Variants in HS3ST5 observed in about 807,000 individuals in gnomAD.
The protein encoded by HS3ST5 is heparan sulfate glucosamine 3-O-sulfotransferase 5.
HS3ST5 carries 10 observed loss-of-function variants against 25.4 expected under a neutral mutation model. The observed-to-expected ratio is 0.39, with a 90% confidence interval of 0.24 to 0.67. HS3ST5 has a LOEUF of 0.67. Among genes scored for constraint, HS3ST5 ranks in the 30% least tolerant of loss-of-function variants. The pLI is 0.44. For missense variants in HS3ST5, 324 were observed against 420.7 expected (o/e 0.77, Z 2.01); for synonymous variants, 170 against 162.4 (o/e 1.05, Z -0.36).
intron 3 of HS3ST5, among the ~76,000 whole-genome samples, chr6:114,064,786 G>A (rs1354504893): frequency 2.0e-5 from 3 of 152,200 alleles, no homozygotes; most frequent in African/African-American, 7.2e-5. Flanking sequence ...GATCTAGTGA[G>A]AAAGAGTAAT....
intron 1 of HS3ST5, among the ~76,000 whole-genome samples, chr6:114,264,972 T>C (rs929288256): frequency 1.2e-4 from 19 of 152,176 alleles, no homozygotes; most frequent in African/African-American, 4.1e-4. Flanking sequence ...TTTGAACTCC[T>C]GGGCTCAAGT....
chr6:114,200,595 A>G (rs553845326), intron 2 of HS3ST5, among the ~76,000 whole-genome samples: 1 of 152,148 alleles, frequency 6.6e-6, no homozygotes, highest in Non-Finnish European at 1.5e-5. Context: ...TTCTTTCAAA[A>G]TACTATACAT....
chr6:114,214,202 C>T (rs966782667), intron 2 of HS3ST5, among the ~76,000 whole-genome samples: 2 of 152,220 alleles, frequency 1.3e-5, no homozygotes, highest in African/African-American at 4.8e-5. Flanking sequence ...TAAATGTAGA[C>T]TTACAGACAA....
At chr6:114,209,684 T>C (rs1781430118) in intron 2 of HS3ST5, among the ~76,000 whole-genome samples, 1 of 152,130 alleles carries the variant, frequency 6.6e-6, no homozygotes, top group Non-Finnish European at 1.5e-5. Context: ...TTTAAGTTGG[T>C]TAGAAATAAA....
At chr6:114,306,297 T>A (rs1582803516) in intron 1 of HS3ST5, among the ~76,000 whole-genome samples, 1 of 144,908 alleles carries the variant, frequency 6.9e-6, no homozygotes, top group Non-Finnish European at 1.5e-5. Context: ...ATATATAAAA[T>A]ATATATTCTT....
rs866693527 is a variant in HS3ST5, at chr6:114,057,616, C to G, written c.682G>C (p.Ala228Pro). Residue 228 changes from alanine to proline, a missense_variant, in exon 5 of 5, where the codon GCA becomes CCA. Physicochemically the swap from Ala to Pro is conservative, Grantham distance 27. Transcript: ENST00000312719. Reference protein sequence around the residue: ...NTCEVNTKYKAVRTSIYTKHL... With the variant: ...NTCEVNTKYKPVRTSIYTKHL... ...TTGGTGTAGATGCTGGTTCTTACTGCTTTGTATTTTGTGTTCACTTCGCAT... is the reference window on the plus strand; with the variant it reads ...TTGGTGTAGATGCTGGTTCTTACTGGTTTGTATTTTGTGTTCACTTCGCAT... 1.9e-6 allele frequency: 3 copies of G among 1,613,350 alleles called. No homozygotes were observed. The highest frequency in any genetic ancestry group is 2.5e-6 in the Non-Finnish European group (3 of 1,179,750).
chr6:114,226,413 A>G (rs1192934264), intron 2 of HS3ST5, among the ~76,000 whole-genome samples: 1 of 151,962 alleles, frequency 6.6e-6, no homozygotes, highest in Middle Eastern at 3.2e-3. Flanking sequence ...TTCAATGTTC[A>G]TCTTGGAGGA....
intron 2 of HS3ST5, among the ~76,000 whole-genome samples, chr6:114,206,161 G>A (rs1456834718): frequency 1.3e-5 from 2 of 152,138 alleles, no homozygotes; most frequent in Non-Finnish European, 2.9e-5. Context: ...TATTGGGGGT[G>A]GAGGAAGGAC....
At chr6:114,158,030 T>A (rs1018546540) in intron 3 of HS3ST5, among the ~76,000 whole-genome samples, 1 of 152,224 alleles carries the variant, frequency 6.6e-6, no homozygotes, top group Non-Finnish European at 1.5e-5. Flanking sequence ...CTGTCACTTC[T>A]TTCAGGAAAC....
intron 1 of HS3ST5, among the ~76,000 whole-genome samples, chr6:114,304,568 G>A (rs1449178749): frequency 1.3e-5 from 2 of 152,008 alleles, no homozygotes; most frequent in Non-Finnish European, 1.5e-5. Context: ...TTATATCAGC[G>A]ATTCTCAAAC....
chr6:114,062,291 T>C (rs546150079), intron 4 of HS3ST5, among the ~76,000 whole-genome samples: 31 of 152,286 alleles, frequency 2.0e-4, no homozygotes, highest in Middle Eastern at 3.4e-3. Flanking sequence ...GAGCAATGGA[T>C]TGCAAACTCG....
At chr6:114,198,651 C>G (rs921528067) in intron 2 of HS3ST5, among the ~76,000 whole-genome samples, 1 of 152,174 alleles carries the variant, frequency 6.6e-6, no homozygotes, top group South Asian at 2.1e-4. Flanking sequence ...TGTAAATTCA[C>G]AAAATTCAAT....
chr6:114,306,125 T>C (rs1775277300), intron 1 of HS3ST5, among the ~76,000 whole-genome samples: 2 of 151,704 alleles, frequency 1.3e-5, no homozygotes, highest in Non-Finnish European at 2.9e-5. Context: ...TTATGACTAT[T>C]AAAAAATGTT....
At chr6:114,330,272 T>A (rs1470569815) in intron 1 of HS3ST5, among the ~76,000 whole-genome samples, 1 of 152,236 alleles carries the variant, frequency 6.6e-6, no homozygotes, top group Non-Finnish European at 1.5e-5. Flanking sequence ...GAATTTTTTT[T>A]ACTTTTATGG....
intron 3 of HS3ST5, among the ~76,000 whole-genome samples, chr6:114,160,688 T>C (rs1230387164): frequency 1.3e-5 from 2 of 152,172 alleles, no homozygotes; most frequent in East Asian, 3.8e-4. Context: ...CTCTAGTTCT[T>C]ACCAAAAAGA....
At chr6:114,172,976 G>C (rs1779540455) in intron 2 of HS3ST5, among the ~76,000 whole-genome samples, 1 of 152,186 alleles carries the variant, frequency 6.6e-6, no homozygotes, top group African/African-American at 2.4e-5. Context: ...AAGTATTAAA[G>C]GGTAAATGAA....
intron 2 of HS3ST5, among the ~76,000 whole-genome samples, chr6:114,207,443 G>A (rs2114409538): frequency 6.6e-6 from 1 of 152,112 alleles, no homozygotes; most frequent in East Asian, 1.9e-4. Flanking sequence ...TCTGCTACAG[G>A]GTCTCACAGC....
chr6:114,190,374 T>C (rs1780441912), intron 2 of HS3ST5, among the ~76,000 whole-genome samples: 1 of 152,216 alleles, frequency 6.6e-6, no homozygotes, highest in Non-Finnish European at 1.5e-5. Context: ...TTCAACATTC[T>C]GGGGTTTCCA....
intron 3 of HS3ST5, among the ~76,000 whole-genome samples, chr6:114,106,576 G>A (rs1327836967): frequency 6.6e-6 from 1 of 152,064 alleles, no homozygotes; most frequent in African/African-American, 2.4e-5. Flanking sequence ...ATAAGGTATT[G>A]ATTTGTGGCA....
Sources: allele counts gnomAD v4.1 joint callset (sites outside exome capture counted in the v4.1 genomes callset), GRCh38; gene constraint gnomAD v4.1.1; transcripts MANE v1.5; gene names NCBI Gene and HGNC (gene_info 2026-07-23, HGNC 2026-07-21).